The following CADM1 variants were observed in gnomAD, a reference collection of about 807,000 sequenced individuals.
CADM1 encodes cell adhesion molecule 1, also known as TSLC-1.
CADM1 carries 15 observed loss-of-function variants against 53.1 expected under a neutral mutation model. That is an observed-to-expected ratio of 0.28 (90% CI 0.19 to 0.44). CADM1 has a LOEUF of 0.44. CADM1 is among the 20% of genes least tolerant of loss of function. The pLI, the probability that CADM1 is intolerant of heterozygous loss-of-function variation, is 1.00. For missense variants in CADM1, 434 were observed against 611.3 expected, an observed-to-expected ratio of 0.71 and a Z score of 3.06; for synonymous variants, 281 against 243.0, an observed-to-expected ratio of 1.16 and a Z score of -1.45.
chr11:115,183,511 G>A (rs1225697542), intron 10 of CADM1, among the ~76,000 whole-genome samples: 1 of 152,218 alleles, frequency 6.6e-6, no homozygotes, highest in Non-Finnish European at 1.5e-5. Context: ...AGGACTCACT[G>A]AGCAGAACCT....
At chr11:115,214,399 T>C (rs558283048) in intron 7 of CADM1, 4 of 590,030 alleles carry the variant, frequency 6.8e-6, no homozygotes, top group African/African-American at 3.7e-5. Context: ...TGTGATCTAG[T>C]AGAAACACCC....
At chr11:115,300,525 A>G (rs1386745476) in intron 1 of CADM1, among the ~76,000 whole-genome samples, 2 of 152,166 alleles carry the variant, frequency 1.3e-5, no homozygotes, top group Non-Finnish European at 2.9e-5. Context: ...AGTGAATCTT[A>G]CTTCTTAAGC....
At chr11:115,280,668 AC>A (rs1332466845) in intron 1 of CADM1, among the ~76,000 whole-genome samples, 1 of 152,210 alleles carries the variant, frequency 6.6e-6, no homozygotes, top group African/African-American at 2.4e-5. Context: ...TGCAACAGCT[AC>A]GACTCAGATC....
intron 1 of CADM1, among the ~76,000 whole-genome samples, chr11:115,393,053 A>AC (rs1339317444): frequency 1.2e-4 from 14 of 119,642 alleles, no homozygotes; most frequent in Admixed American, 1.1e-3. Context: ...ACATAGCGAG[A>AC]CCCCATCTCT....
chr11:115,482,785 T>A (rs1405723735), intron 1 of CADM1, among the ~76,000 whole-genome samples: 1 of 152,228 alleles, frequency 6.6e-6, no homozygotes, highest in Admixed American at 6.5e-5. Context: ...GGTTTTGGCA[T>A]ATATGCATTT....
intron 3 of CADM1, among the ~76,000 whole-genome samples, chr11:115,233,562 T>A (rs949444705): frequency 1.3e-5 from 2 of 152,174 alleles, no homozygotes; most frequent in Non-Finnish European, 2.9e-5. Context: ...AGTGCAGTAT[T>A]ATAGGAATAT....
At chr11:115,295,163 C>T (rs1206083783) in intron 1 of CADM1, among the ~76,000 whole-genome samples, 2 of 152,116 alleles carry the variant, frequency 1.3e-5, no homozygotes, top group Admixed American at 1.3e-4. Flanking sequence ...TGTTTCTACA[C>T]TCTGACGCAT....
At chr11:115,488,863 CGATTACTGT>C (rs1320604961) in intron 1 of CADM1, among the ~76,000 whole-genome samples, 3 of 152,102 alleles carry the variant, frequency 2.0e-5, no homozygotes, top group African/African-American at 7.2e-5. Context: ...AGGTTTGATC[CGATTACTGT>C]GATCTATTTT....
intron 1 of CADM1, among the ~76,000 whole-genome samples, chr11:115,493,036 G>A (rs1041295937): frequency 1.3e-5 from 2 of 151,848 alleles, no homozygotes; most frequent in Admixed American, 6.6e-5. Context: ...AGATGTGTCC[G>A]CTGTCTAAAT....
chr11:115,378,943 A>C (rs1478783594), intron 1 of CADM1, among the ~76,000 whole-genome samples: 1 of 152,184 alleles, frequency 6.6e-6, no homozygotes, highest in African/African-American at 2.4e-5. Flanking sequence ...ACATTACGTG[A>C]GCTAGCCCCA....
chr11:115,265,652 T>C (rs994414184), intron 1 of CADM1, among the ~76,000 whole-genome samples: 4 of 152,216 alleles, frequency 2.6e-5, no homozygotes, highest in African/African-American at 9.6e-5. Flanking sequence ...ACAGGTTGTC[T>C]AATCTGTATT....
chr11:115,414,088 G>A (rs756171060), intron 1 of CADM1, among the ~76,000 whole-genome samples: 3 of 151,980 alleles, frequency 2.0e-5, no homozygotes, highest in Non-Finnish European at 4.4e-5. Flanking sequence ...GCATACAATT[G>A]TTAATCTGTT....
At chr11:115,221,749 AG>A (rs1941414320) in intron 5 of CADM1, among the ~76,000 whole-genome samples, 1 of 152,138 alleles carries the variant, frequency 6.6e-6, no homozygotes, top group African/African-American at 2.4e-5. Flanking sequence ...ATTTAGAAAA[AG>A]GTACTTTGCA....
chr11:115,409,900 G>A (rs746722216), intron 1 of CADM1, among the ~76,000 whole-genome samples: 4 of 152,208 alleles, frequency 2.6e-5, no homozygotes, highest in Non-Finnish European at 5.9e-5. Context: ...GCACCAGACA[G>A]AAGGGGGTCT....
At chr11:115,278,321 G>A (rs1443850563) in intron 1 of CADM1, among the ~76,000 whole-genome samples, 1 of 152,204 alleles carries the variant, frequency 6.6e-6, no homozygotes, top group Non-Finnish European at 1.5e-5. Context: ...ATTGTATGTG[G>A]TGGATATAAG....
At chr11:115,236,524 T>C (rs1942016802) in intron 3 of CADM1, among the ~76,000 whole-genome samples, 1 of 152,232 alleles carries the variant, frequency 6.6e-6, no homozygotes, top group Non-Finnish European at 1.5e-5. Context: ...CTATTACTTC[T>C]AGAATAATCA....
chr11:115,238,400 A>G lies in CADM1; in HGVS notation c.424+100T>C, dbSNP rs1274530813. ...GATGGGCGGTGATTCTTCCTGAAAC[A>G]AGTTTGAACAGGAGAATTCACCATT... On this transcript the variant is annotated intron_variant, in intron 3 of 11. Transcript: ENST00000331581. 52 of 1,294,974 alleles carry G rather than the reference A, an allele frequency of 4.0e-5. No homozygotes were observed. The Middle Eastern group carries it at 6.5e-4, about 16-fold the overall frequency. 80.2% of individuals were successfully genotyped at this position (1,294,974 alleles called of 1,614,324 possible).
intron 1 of CADM1, among the ~76,000 whole-genome samples, chr11:115,266,586 CA>C (rs1426095088): frequency 6.6e-6 from 1 of 152,220 alleles, no homozygotes; most frequent in African/African-American, 2.4e-5. Context: ...TGCCAGCCAA[CA>C]AATAGCAATC....
intron 1 of CADM1, among the ~76,000 whole-genome samples, chr11:115,379,197 G>C (rs190971123): frequency 1.3e-5 from 2 of 152,340 alleles, no homozygotes; most frequent in East Asian, 3.9e-4. Context: ...TGATTTAGCA[G>C]CAGTAATGAA....
Sources: allele counts gnomAD v4.1 joint callset (sites outside exome capture counted in the v4.1 genomes callset), GRCh38; gene constraint gnomAD v4.1.1; transcripts MANE v1.5; gene names NCBI Gene and HGNC (gene_info 2026-07-23, HGNC 2026-07-21).